Variants in HPCAL4 observed in about 807,000 individuals in gnomAD.
HPCAL4 encodes hippocalcin-like protein 4.
Under a neutral mutation model 18.2 loss-of-function variants are expected in HPCAL4, and 16 were observed. The ratio of observed to expected loss-of-function variants is 0.88; its 90% CI spans 0.59 to 1.33. The LOEUF is 1.33. Among genes scored for constraint, HPCAL4 ranks in the 40% most tolerant of loss-of-function variants. The pLI is 0.00. For missense variants in HPCAL4, 214 were observed against 256.6 expected (o/e 0.83, Z 1.14); for synonymous variants, 80 against 97.5 (o/e 0.82, Z 1.06).
In HPCAL4 at chr1:39,684,574, G is replaced by A; in HGVS notation, c.30C>T (p.Pro10=). The change falls in exon 2 of 4, where the codon CCC becomes CCT. Residue 10 remains proline, a synonymous_variant. Transcript: ENST00000372844. MGKTNSKLA[P]EVLEDLVQNT... is the part of the protein sequence containing the mutation. The stretch of plus-strand genomic sequence containing the variant: ...TCTGAACAAGGTCCTCCAGCACCTC[G>A]GGGGCCAGCTTGCTGTTGGTCTTCC... The A allele has an allele frequency of 2.5e-6, 4 of 1,607,898 alleles. No homozygotes were observed. Among genetic ancestry groups the A allele is most frequent in the Non-Finnish European group, 1.7e-6 (2 of 1,177,000 alleles).
chr1:39,686,485 G>A (rs1442072673), intron 1 of HPCAL4, among the ~76,000 whole-genome samples: 1 of 152,208 alleles, frequency 6.6e-6, no homozygotes, highest in Non-Finnish European at 1.5e-5. Flanking sequence ...AAGGGTCGTG[G>A]AGAGACGTGG....
intron 1 of HPCAL4, among the ~76,000 whole-genome samples, chr1:39,689,263 TC>T (rs1220510210): frequency 6.6e-6 from 1 of 151,876 alleles, no homozygotes; most frequent in Admixed American, 6.6e-5. Flanking sequence ...CTCTTATAGC[TC>T]CCCTACCCTG....
intron 1 of HPCAL4, among the ~76,000 whole-genome samples, chr1:39,685,617 C>T (rs1365862059): frequency 3.3e-5 from 5 of 152,322 alleles, no homozygotes; most frequent in South Asian, 2.1e-4. Context: ...CGGTGGCTCA[C>T]ACCTGTAATC....
In HPCAL4 at chr1:39,680,967, T is replaced by C. The variant is rs77853810; in HGVS notation, c.*1569A>G. On this transcript the variant is annotated 3_prime_UTR_variant, in exon 4 of 4. Coordinates refer to ENST00000372844, the MANE Select transcript of HPCAL4 (RefSeq NM_016257.4). ...GCTCCCACCCTGGGCTGACAGCACC[T>C]GTGTACTAGACTGTTTTCACCGGCA... 1.1e-3 allele frequency: 165 copies of C among 152,816 alleles called. No homozygotes were observed. In the East Asian group the frequency reaches 0.011, roughly 11 times the overall value. The allele number at this position is 152,816 out of a possible 1,614,324, so 9.5% of individuals were successfully genotyped here. A position where few individuals can be genotyped will look rare whatever the true frequency, so the allele number is the denominator to read the frequency against.
At position 39,682,280 on chromosome 1, in the gene HPCAL4, A is replaced by G. The variant is rs1319682218; in HGVS notation, c.*256T>C. 2 of 504,436 alleles carry G rather than the reference A, an allele frequency of 4.0e-6. No individual in the cohort carries two copies. Among genetic ancestry groups the G allele is most frequent in the African/African-American group, 3.9e-5 (2 of 51,820 alleles). The allele number at this position is 504,436 out of a possible 1,614,324, so 31.2% of individuals were successfully genotyped here. ...TCCTGGGGCAAAAGCCAACTCCCCT[A>G]TGCCCAATGGACATTGGTTCTGGCC... On this transcript the variant is annotated 3_prime_UTR_variant, in exon 4 of 4. Transcript: ENST00000372844.
In HPCAL4 at chr1:39,683,940, G is replaced by A; in HGVS notation, c.375C>T (p.Ile125=). The change falls in exon 3 of 4, where the codon ATC becomes ATT. Residue 125 remains isoleucine, a synonymous_variant. Transcript: ENST00000372844. ...RITRLEMLEI[I]EAIYKMVGTV... ...CAGCGCCCGCGCGGCCCCGCACCTC[G>A]ATGATCTCCAGCATCTCCAGGCGCG... The A allele has an allele frequency of 6.2e-7, 1 of 1,613,100 alleles. No individual in the cohort carries two copies. Among genetic ancestry groups the A allele is most frequent in the Non-Finnish European group, 8.5e-7 (1 of 1,179,596 alleles).
At chr1:39,685,753 G>A (rs944938721) in intron 1 of HPCAL4, among the ~76,000 whole-genome samples, 3 of 151,790 alleles carry the variant, frequency 2.0e-5, no homozygotes, top group East Asian at 3.9e-4. Flanking sequence ...CGTGGCAGGC[G>A]CCTGTAGTCC....
intron 1 of HPCAL4, among the ~76,000 whole-genome samples, chr1:39,690,746 A>G (rs1646711387): frequency 6.6e-6 from 1 of 150,628 alleles, no homozygotes; most frequent in African/African-American, 2.4e-5. Context: ...CCCCTCAGGT[A>G]TGCTGTGGGC....
rs1646634654 is a variant in HPCAL4, at chr1:39,682,476, T to C, written c.*60A>G. The C allele has an allele frequency of 6.5e-7, 1 of 1,540,134 alleles. No homozygotes were observed. Among genetic ancestry groups the C allele is most frequent in the Non-Finnish European group, 9.0e-7 (1 of 1,116,336 alleles). On this transcript the variant is annotated 3_prime_UTR_variant, in exon 4 of 4. Coordinates refer to ENST00000372844, the MANE Select transcript of HPCAL4 (RefSeq NM_016257.4). ...CCTCCTGGGAGGCCAGCCAGAGAGG[T>C]CATCAGGTTGGGAGGTGGCCATGCC...
Position 39,681,145 on chromosome 1 carries a change from T to A in HPCAL4, c.*1391A>T, listed in dbSNP as rs1646622990. 6.6e-6 allele frequency: 1 copy of A among 152,390 alleles called. No individual in the cohort carries two copies. Among genetic ancestry groups the A allele is most frequent in the Non-Finnish European group, 1.5e-5 (1 of 68,026 alleles). The allele number at this position is 152,390 out of a possible 1,614,324, so 9.4% of individuals were successfully genotyped here. A position where few individuals can be genotyped will look rare whatever the true frequency, so the allele number is the denominator to read the frequency against. On this transcript the variant is annotated 3_prime_UTR_variant, in exon 4 of 4. Transcript: ENST00000372844. Reference sequence around the variant, plus strand: ...GGATCCAAAATTGGGAAGCAGGCATTGGAAAGCAGAACCAGCACACTTGGA... The same window carrying A: ...GGATCCAAAATTGGGAAGCAGGCATAGGAAAGCAGAACCAGCACACTTGGA...
intron 1 of HPCAL4, among the ~76,000 whole-genome samples, chr1:39,690,732 T>TC (rs556680942): frequency 2.2e-3 from 332 of 149,000 alleles, no homozygotes; most frequent in African/African-American, 8.0e-3. Context: ...AGGGGGATTG[T>TC]CCCCCCCTCA....
chr1:39,686,670 G>A (rs1287172512), intron 1 of HPCAL4, among the ~76,000 whole-genome samples: 1 of 152,216 alleles, frequency 6.6e-6, no homozygotes, highest in Non-Finnish European at 1.5e-5. Flanking sequence ...GTGGGAATGT[G>A]AGCCCGTAAG....
At position 39,691,343 on chromosome 1, in the gene HPCAL4, C is replaced by T. The variant is rs1169122917; in HGVS notation, c.-46G>A. The T allele has an allele frequency of 6.6e-6, 1 of 152,268 alleles. No individual in the cohort carries two copies. The highest frequency in any genetic ancestry group is 1.5e-5 in the Non-Finnish European group (1 of 68,066). 9.4% of individuals were successfully genotyped at this position (152,268 alleles called of 1,614,324 possible). The stretch of plus-strand genomic sequence containing the variant: ...GCCGGGTCGCTGGATGGCTCCGAGC[C>T]TCGGCGGGCCGCGGGAACCGAGGCT... On this transcript the variant is annotated 5_prime_UTR_variant, in exon 1 of 4. Coordinates refer to ENST00000372844, the MANE Select transcript of HPCAL4 (RefSeq NM_016257.4).
In HPCAL4 at chr1:39,681,563, G is replaced by A. The variant is rs971761076; in HGVS notation, c.*973C>T. The A allele has an allele frequency of 6.6e-6, 1 of 152,172 alleles. No individual in the cohort carries two copies. The highest frequency in any genetic ancestry group is 2.4e-5 in the African/African-American group (1 of 41,438). The allele number at this position is 152,172 out of a possible 1,614,324, so 9.4% of individuals were successfully genotyped here. A position where few individuals can be genotyped will look rare whatever the true frequency, so the allele number is the denominator to read the frequency against. On this transcript the variant is annotated 3_prime_UTR_variant, in exon 4 of 4. Transcript: ENST00000372844. ...GCTGAGAGTGGCAGCTCAGGACTTA[G>A]TCTTAAAAAGTGTTATCTGGTAAAT...
intron 1 of HPCAL4, among the ~76,000 whole-genome samples, chr1:39,687,507 C>T (rs1024001967): frequency 6.6e-6 from 1 of 152,214 alleles, no homozygotes; most frequent in African/African-American, 2.4e-5. Context: ...AGAGTGCACA[C>T]GTCTCTCTGT....
chr1:39,684,259 G>A (rs866050112), intron 2 of HPCAL4, 107 bp from the exon 3 acceptor site: 1 of 1,104,498 alleles, frequency 9.1e-7, no homozygotes, highest in African/African-American at 1.8e-5. Context: ...TCCCACCCCG[G>A]GTGCCTTGCC....
At chr1:39,683,843 A>G (rs784633) in intron 3 of HPCAL4, 94 bp downstream of exon 3, 896,370 of 1,106,872 alleles carry the variant, frequency 0.81, 363,949 homozygotes, top group Middle Eastern at 0.89. Context: ...GGGGAGCAGC[A>G]GGGAGGCCCC....
chr1:39,685,678 G>C (rs533083813), intron 1 of HPCAL4, among the ~76,000 whole-genome samples: 1 of 152,250 alleles, frequency 6.6e-6, no homozygotes, highest in East Asian at 1.9e-4. Context: ...AGGTGATCAA[G>C]ACCATCCTGG....
rs1054234381 is a variant in HPCAL4 at position 39,681,345 on chromosome 1, A to C, written c.*1191T>G. ...CTGATTCTGTGGCAGTGAAGGAACAAGTCCAGTTCTGAAACTAAACCCAAT... is the reference window on the plus strand; with the variant it reads ...CTGATTCTGTGGCAGTGAAGGAACACGTCCAGTTCTGAAACTAAACCCAAT... On this transcript the variant is annotated 3_prime_UTR_variant, in exon 4 of 4. Coordinates refer to ENST00000372844, the MANE Select transcript of HPCAL4 (RefSeq NM_016257.4). 2 of 152,236 alleles carry C rather than the reference A, an allele frequency of 1.3e-5. No homozygotes were observed. Among genetic ancestry groups the C allele is most frequent in the Non-Finnish European group, 1.5e-5 (1 of 68,048 alleles). 9.4% of individuals were successfully genotyped at this position (152,236 alleles called of 1,614,324 possible).
Sources: allele counts gnomAD v4.1 joint callset (sites outside exome capture counted in the v4.1 genomes callset), GRCh38; gene constraint gnomAD v4.1.1; transcripts MANE v1.5; gene names NCBI Gene and HGNC (gene_info 2026-07-23, HGNC 2026-07-21).